The following PID1 variants were observed in gnomAD, a reference collection of about 807,000 sequenced individuals.
The protein encoded by PID1 is PTB-containing, cubilin and LRP1-interacting protein.
A neutral mutation model predicts 19.1 loss-of-function variants in PID1; 10 were observed. The ratio of observed to expected loss-of-function variants is 0.52; its 90% CI spans 0.32 to 0.89. The LOEUF (loss-of-function observed/expected upper bound fraction) is 0.89. Ranked by LOEUF, PID1 falls within the 40% of genes least tolerant of loss-of-function variation. PID1 has a pLI of 0.03. For synonymous variants in PID1, 130 were observed against 116.0 expected (o/e 1.12, Z -0.78); for missense variants, 248 against 285.3 (o/e 0.87, Z 0.94).
chr2:229,192,285 C>T (rs576688860), intron 1 of PID1, among the ~76,000 whole-genome samples: 39 of 152,216 alleles, frequency 2.6e-4, no homozygotes, highest in Non-Finnish European at 5.0e-4. Flanking sequence ...CTAGTATGTT[C>T]CCATTTGTAA....
intron 2 of PID1, among the ~76,000 whole-genome samples, chr2:229,038,776 G>C (rs1439600300): frequency 6.6e-6 from 1 of 152,158 alleles, no homozygotes; most frequent in Non-Finnish European, 1.5e-5. Context: ...CTCCCTTTAT[G>C]AGGCAGAAAG....
intron 2 of PID1, among the ~76,000 whole-genome samples, chr2:229,055,576 T>C (rs1337336431): frequency 6.6e-6 from 1 of 152,220 alleles, no homozygotes; most frequent in African/African-American, 2.4e-5. Context: ...ACTTTTCCCA[T>C]TCATAAAAGC....
intron 1 of PID1, among the ~76,000 whole-genome samples, chr2:229,158,760 T>G (rs1690432899): frequency 6.6e-6 from 1 of 152,186 alleles, no homozygotes; most frequent in Non-Finnish European, 1.5e-5. Flanking sequence ...TTCGCCTCAG[T>G]AAAAACTGCC....
At chr2:229,089,139 CAT>C (rs1025437079) in intron 2 of PID1, among the ~76,000 whole-genome samples, 3 of 152,134 alleles carry the variant, frequency 2.0e-5, no homozygotes, top group African/African-American at 7.2e-5. Context: ...GGAGAAACGT[CAT>C]AGTTGTTCAT....
chr2:229,243,346 G>C (rs970830559), intron 1 of PID1, among the ~76,000 whole-genome samples: 1 of 152,124 alleles, frequency 6.6e-6, no homozygotes, highest in Admixed American at 6.6e-5. Context: ...TGGGGACAGA[G>C]CCAAACCATA....
chr2:229,177,502 T>A (rs1690848915), intron 1 of PID1, among the ~76,000 whole-genome samples: 1 of 152,186 alleles, frequency 6.6e-6, no homozygotes, highest in Non-Finnish European at 1.5e-5. Context: ...TCTCAATTCT[T>A]CATCACATCT....
At chr2:229,073,486 G>A (rs1472881034) in intron 2 of PID1, among the ~76,000 whole-genome samples, 1 of 152,160 alleles carries the variant, frequency 6.6e-6, no homozygotes, top group African/African-American at 2.4e-5. Flanking sequence ...TAGAGGAGTT[G>A]GGAGAAAACA....
At chr2:229,223,336 A>C (rs1267673038) in intron 1 of PID1, among the ~76,000 whole-genome samples, 2 of 152,142 alleles carry the variant, frequency 1.3e-5, no homozygotes, top group Non-Finnish European at 1.5e-5. Context: ...ATTTTTCTCA[A>C]ATGTGTTTAC....
At chr2:229,132,375 C>A in intron 2 of PID1, among the ~76,000 whole-genome samples, 1 of 152,132 alleles carries the variant, frequency 6.6e-6, no homozygotes, top group East Asian at 1.9e-4. Flanking sequence ...TATAAAACTG[C>A]CTTTCGAACC....
intron 1 of PID1, among the ~76,000 whole-genome samples, chr2:229,157,572 G>A (rs190947761): frequency 3.4e-4 from 51 of 152,200 alleles, no homozygotes; most frequent in Non-Finnish European, 6.3e-4. Context: ...CACCTTCACA[G>A]AGCATTAGTG....
intron 1 of PID1, among the ~76,000 whole-genome samples, chr2:229,222,688 T>C (rs1359249075): frequency 5.3e-5 from 8 of 152,088 alleles, no homozygotes; most frequent in African/African-American, 1.4e-4. Flanking sequence ...CAAGGTTGAG[T>C]AGGAAAGAAT....
At chr2:229,110,464 G>T (rs916281091) in intron 2 of PID1, among the ~76,000 whole-genome samples, 3 of 152,136 alleles carry the variant, frequency 2.0e-5, no homozygotes, top group African/African-American at 7.2e-5. Flanking sequence ...GGAATGGGAG[G>T]TACAGCCAAG....
At chr2:229,166,471 T>A (rs948549539) in intron 1 of PID1, among the ~76,000 whole-genome samples, 1 of 152,184 alleles carries the variant, frequency 6.6e-6, no homozygotes, top group South Asian at 2.1e-4. Flanking sequence ...GAAAAAATAG[T>A]TTCAAGTAAT....
In PID1 at chr2:229,024,119, T is replaced by G. The variant is rs528186350; in HGVS notation, c.*1513A>C. On this transcript the variant is annotated 3_prime_UTR_variant, in exon 3 of 3. Transcript: ENST00000392055. ...CCTCAATATGACTCCATGCTTATTC[T>G]ACATGCCTGAAAACTGGGCCCACAC... 8 of 152,754 alleles carry G rather than the reference T, an allele frequency of 5.2e-5. No individual in the cohort carries two copies. In the East Asian group the frequency reaches 1.5e-3, roughly 29 times the overall value. 9.5% of individuals were successfully genotyped at this position (152,754 alleles called of 1,614,324 possible).
chr2:229,109,968 G>C (rs143301557), intron 2 of PID1, among the ~76,000 whole-genome samples: 1 of 152,108 alleles, frequency 6.6e-6, no homozygotes, highest in African/African-American at 2.4e-5. Flanking sequence ...ACTCCAATTA[G>C]TTACTCAGTA....
At chr2:229,162,191 T>C (rs1362065668) in intron 1 of PID1, among the ~76,000 whole-genome samples, 1 of 152,224 alleles carries the variant, frequency 6.6e-6, no homozygotes, top group Non-Finnish European at 1.5e-5. Flanking sequence ...GATCCCAAAA[T>C]AGAGCCTCTA....
chr2:229,042,557 C>A (rs992609362), intron 2 of PID1, among the ~76,000 whole-genome samples: 1 of 152,172 alleles, frequency 6.6e-6, no homozygotes, highest in African/African-American at 2.4e-5. Context: ...TCCTGGAGCA[C>A]ACATGTGTGT....
chr2:229,181,924 GA>G (rs1309029972), intron 1 of PID1, among the ~76,000 whole-genome samples: 1 of 152,188 alleles, frequency 6.6e-6, no homozygotes, highest in Non-Finnish European at 1.5e-5. Context: ...ATTACTAAGT[GA>G]AATGTATATT....
intron 2 of PID1, among the ~76,000 whole-genome samples, chr2:229,099,377 C>G (rs1452734054): frequency 6.6e-6 from 1 of 152,004 alleles, no homozygotes; most frequent in African/African-American, 2.4e-5. Flanking sequence ...AAATTTGCAC[C>G]CCCTGGCTTT....
Sources: gnomAD v4.1 joint callset for allele counts (sites outside exome capture counted in the v4.1 genomes callset) on GRCh38, gnomAD v4.1.1 for gene constraint, MANE v1.5 for transcripts, NCBI Gene and HGNC (gene_info 2026-07-23, HGNC 2026-07-21) for gene names.